Variants in TLE2 observed in about 807,000 individuals in gnomAD.
The protein encoded by TLE2 is TLE family member 2, transcriptional corepressor, also known as transducin-like enhancer protein 2.
In TLE2, 74 loss-of-function variants were observed where a neutral mutation model predicts 97.2. The ratio of observed to expected loss-of-function variants is 0.76; its 90% CI spans 0.63 to 0.92. TLE2 has a LOEUF of 0.92. TLE2 is among the 40% of genes least tolerant of loss of function. TLE2 has a pLI of 0.00. For missense variants in TLE2, 1,038 were observed against 1,008.7 expected, an observed-to-expected ratio of 1.03 and a Z score of -0.39; for synonymous variants, 499 against 432.1, an observed-to-expected ratio of 1.15 and a Z score of -1.92.
At chr19:3,025,839 C>T (rs1034241616) in intron 4 of TLE2, among the ~76,000 whole-genome samples, 1 of 152,072 alleles carries the variant, frequency 6.6e-6, no homozygotes, top group Non-Finnish European at 1.5e-5. Context: ...TGCGTGGACC[C>T]ATGGGACCAC....
chr19:3,031,398 A>G (rs1166373091), upstream of TLE2, among the ~76,000 whole-genome samples: 1 of 141,564 alleles, frequency 7.1e-6, no homozygotes, highest in Non-Finnish European at 1.5e-5. Flanking sequence ...AGTACTCACT[A>G]GCTCCCTATT....
intron 13 of TLE2, among the ~76,000 whole-genome samples, 153 bp from the exon 14 acceptor site, chr19:3,009,098 G>T (rs2089537018): frequency 6.6e-6 from 1 of 152,114 alleles, no homozygotes; most frequent in African/African-American, 2.4e-5. Context: ...ACAGATGAGA[G>T]GGCTGAGGTT....
intron 15 of TLE2, 82 bp downstream of exon 15, chr19:3,006,338 C>A: frequency 6.5e-7 from 1 of 1,536,522 alleles, no homozygotes; most frequent in Non-Finnish European, 8.7e-7. Flanking sequence ...CACCCACGGC[C>A]AGCCTGCGAA....
At chr19:3,034,208 TCTC>T (rs1231672205), upstream of TLE2, among the ~76,000 whole-genome samples, 1 of 151,548 alleles carries the variant, frequency 6.6e-6, no homozygotes, top group Non-Finnish European at 1.5e-5. Flanking sequence ...CCTCCTCCGT[TCTC>T]CCCACCCCAG....
At chr19:3,000,811 G>T in intron 18 of TLE2, 88 bp from the exon 19 acceptor site, 2 of 933,096 alleles carry the variant, frequency 2.1e-6, no homozygotes, top group South Asian at 1.5e-5. Flanking sequence ...CTGGGTCTGG[G>T]TCTGGCCTCT....
upstream of TLE2, among the ~76,000 whole-genome samples, chr19:3,033,425 C>T (rs979926131): frequency 1.6e-4 from 24 of 152,176 alleles, no homozygotes; most frequent in Non-Finnish European, 3.2e-4. Context: ...CCTCAGCCTC[C>T]CAAAGTGCTG....
At chr19:3,001,571 A>G (rs1382427125) in intron 18 of TLE2, among the ~76,000 whole-genome samples, 1 of 151,854 alleles carries the variant, frequency 6.6e-6, no homozygotes, top group Non-Finnish European at 1.5e-5. Context: ...CTACAGCCTC[A>G]AAGTCCTGGG....
chr19:3,014,635 G>T (rs1215269562), intron 9 of TLE2, 21 bp from the exon 10 acceptor site: 1 of 1,586,866 alleles, frequency 6.3e-7, no homozygotes. Context: ...ATGGGGGAGA[G>T]AGCTCATTGT....
intron 4 of TLE2, among the ~76,000 whole-genome samples, chr19:3,026,812 G>A (rs150617881): frequency 0.033 from 4,971 of 152,026 alleles, 262 homozygotes; most frequent in African/African-American, 0.11. Flanking sequence ...TCTGACCCTT[G>A]AGGTCTATCT....
At chr19:3,016,141 G>A (rs2089698380) in intron 8 of TLE2, among the ~76,000 whole-genome samples, 1 of 151,728 alleles carries the variant, frequency 6.6e-6, no homozygotes, top group African/African-American at 2.4e-5. Flanking sequence ...TCGCCATGTT[G>A]GCCAGGCCTA....
Position 3,005,420 on chromosome 19 carries a change from C to A in TLE2, c.1896+17G>T. On this transcript the variant is annotated intron_variant, in intron 17 of 19. Coordinates refer to ENST00000262953, the MANE Select transcript of TLE2 (RefSeq NM_003260.5). Reference sequence around the variant, plus strand: ...TCCTAGAGCTTCCATCCCCCTCCTGCCAGAACCGAACAGCACCTGGGAGCT... The same window carrying A: ...TCCTAGAGCTTCCATCCCCCTCCTGACAGAACCGAACAGCACCTGGGAGCT... 1 of 1,612,526 alleles carries A rather than the reference C, an allele frequency of 6.2e-7. No homozygotes were observed. Among genetic ancestry groups the A allele is most frequent in the South Asian group, 1.1e-5 (1 of 90,944 alleles).
chr19:3,045,777 T>G, exon 1 of TLE2: 2 of 442,818 alleles, frequency 4.5e-6, no homozygotes, highest in Non-Finnish European at 9.2e-6. Flanking sequence ...CAGTGAGCCG[T>G]GATTGCACCA....
At chr19:2,998,011 GGT>G (rs1340818750) in intron 19 of TLE2, 56 bp from the exon 20 acceptor site, 2 of 1,293,834 alleles carry the variant, frequency 1.5e-6, no homozygotes, top group Non-Finnish European at 2.2e-6. Flanking sequence ...CCCACAGATG[GGT>G]GTGTGGGCAA....
At chr19:3,004,843 G>C (rs216277) in intron 17 of TLE2, among the ~76,000 whole-genome samples, 29,866 of 151,950 alleles carry the variant, frequency 0.2, 6,471 homozygotes, top group African/African-American at 0.54. Flanking sequence ...AATGACAGAA[G>C]AAGGAGCTCA....
chr19:3,032,286 G>A (rs1412070474), upstream of TLE2, among the ~76,000 whole-genome samples: 1 of 151,994 alleles, frequency 6.6e-6, no homozygotes, highest in Non-Finnish European at 1.5e-5. The surrounding 1 kb of genome is among the most constrained non-coding windows in gnomAD (Gnocchi z 4.1). Flanking sequence ...TGTCGCTGGA[G>A]TGCAGTGGCG....
chr19:2,999,340 C>G (rs1340889396), intron 19 of TLE2, among the ~76,000 whole-genome samples: 3 of 151,766 alleles, frequency 2.0e-5, no homozygotes, highest in African/African-American at 4.8e-5. Context: ...ACTGTACCAA[C>G]CAGGACGGGC....
intron 5 of TLE2, chr19:3,020,693 A>G (rs7249809): frequency 0.51 from 77,691 of 152,022 alleles, 21,446 homozygotes; most frequent in African/African-American, 0.73. Context: ...TCTCTTTGGC[A>G]TCTGGCCTCT....
intron 8 of TLE2, among the ~76,000 whole-genome samples, chr19:3,016,645 CAT>C (rs1243284712): frequency 1.3e-5 from 2 of 151,428 alleles, no homozygotes; most frequent in East Asian, 3.9e-4. Flanking sequence ...ACACAGCTCA[CAT>C]GACATTTCTG....
chr19:2,997,965 G>A lies in TLE2; in HGVS notation c.2125-10C>T, dbSNP rs1397825351. On this transcript the variant is annotated splice_polypyrimidine_tract_variant and intron_variant, in intron 19 of 19. Transcript: ENST00000262953. ...AGGACGACTCCTTGGACTGCCAAGG[G>A]AAGGGAGAGAGAAAAGGGCACAGTG... 1.9e-6 allele frequency: 3 copies of A among 1,592,330 alleles called. No homozygotes were observed. Among genetic ancestry groups the A allele is most frequent in the Non-Finnish European group, 1.7e-6 (2 of 1,163,416 alleles).
Sources: gnomAD v4.1 joint callset for allele counts (sites outside exome capture counted in the v4.1 genomes callset) on GRCh38, gnomAD v4.1.1 for gene constraint, Gnocchi (gnomAD v3.1) non-coding constraint, MANE v1.5 for transcripts, NCBI Gene and HGNC (gene_info 2026-07-23, HGNC 2026-07-21) for gene names.